FARS2: variants seen among roughly 807,000 people sequenced by gnomAD.
FARS2 encodes the protein phenylalanyl-tRNA synthetase 2, mitochondrial.
FARS2 carries 40 observed loss-of-function variants against 46.4 expected under a neutral mutation model. The observed-to-expected ratio is 0.86, with a 90% confidence interval of 0.67 to 1.12. The LOEUF (loss-of-function observed/expected upper bound fraction) is 1.12, where lower values mean the gene tolerates loss of function less well. Ranked by LOEUF, FARS2 falls within the 50% of genes most tolerant of loss-of-function variation. The pLI, the probability that FARS2 is intolerant of heterozygous loss-of-function variation, is 0.00. For missense variants in FARS2, 513 were observed against 567.9 expected, an observed-to-expected ratio of 0.90 and a Z score of 0.98; for synonymous variants, 234 against 214.9, an observed-to-expected ratio of 1.09 and a Z score of -0.78.
At chr6:5,620,951 G>A (rs562518379) in intron 6 of FARS2, among the ~76,000 whole-genome samples, 77 of 152,318 alleles carry the variant, frequency 5.1e-4, no homozygotes, top group African/African-American at 1.8e-3. Flanking sequence ...CCTGAACTAC[G>A]TAGCTGCTGA....
chr6:5,467,242 C>T (rs1765562877), intron 4 of FARS2: 1 of 294,708 alleles, frequency 3.4e-6, no homozygotes, highest in Admixed American at 6.5e-5. Flanking sequence ...CAGGTGGTTA[C>T]CCATTCTTAA....
At chr6:5,315,745 T>TCTTTTTTCTTTCTTTCTTC (rs1769454887) in intron 1 of FARS2, among the ~76,000 whole-genome samples, 1 of 150,208 alleles carries the variant, frequency 6.7e-6, no homozygotes, top group Non-Finnish European at 1.5e-5. Context: ...TTTTTTCCTT[T>TCTTTTTTCTTTCTTTCTTC]CTTTCTTTCT....
intron 4 of FARS2, among the ~76,000 whole-genome samples, chr6:5,460,986 T>G (rs1010024945): frequency 1.3e-5 from 2 of 150,804 alleles, no homozygotes; most frequent in African/African-American, 4.9e-5. Flanking sequence ...GTGTGTGTGT[T>G]TGTGTATGTG....
intron 6 of FARS2, among the ~76,000 whole-genome samples, chr6:5,763,768 GTTTT>G (rs77014974): frequency 1.5e-5 from 1 of 65,366 alleles, no homozygotes; most frequent in Non-Finnish European, 4.2e-5. Context: ...TTCCCTTTTG[GTTTT>G]TTTTTTTTTT....
intron 2 of FARS2, among the ~76,000 whole-genome samples, chr6:5,386,454 G>C (rs190452037): frequency 3.9e-5 from 6 of 152,324 alleles, no homozygotes; most frequent in African/African-American, 1.4e-4. Flanking sequence ...CAATCGTTCA[G>C]GTTGGCATTT....
chr6:5,614,411 C>CT (rs199992978), intron 6 of FARS2, among the ~76,000 whole-genome samples: 2,056 of 139,446 alleles, frequency 0.015, 21 homozygotes, highest in South Asian at 0.043. Context: ...CCTTCTTTGT[C>CT]TTTTTTTTTT....
intron 1 of FARS2, among the ~76,000 whole-genome samples, chr6:5,325,716 G>A (rs149959120): frequency 6.6e-6 from 1 of 152,080 alleles, no homozygotes; most frequent in East Asian, 1.9e-4. Flanking sequence ...AATTTTAAAT[G>A]ATTTTTTTCT....
chr6:5,632,897 A>G (rs1776364276), intron 6 of FARS2, among the ~76,000 whole-genome samples: 1 of 150,658 alleles, frequency 6.6e-6, no homozygotes, highest in Non-Finnish European at 1.5e-5. Context: ...ATCACTCTAA[A>G]CTTTTCATTG....
chr6:5,401,261 A>C (rs1761238763), intron 2 of FARS2, among the ~76,000 whole-genome samples: 2 of 151,998 alleles, frequency 1.3e-5, no homozygotes, highest in African/African-American at 4.8e-5. Context: ...ATGTTTTATT[A>C]TGCTTTTGAA....
intron 5 of FARS2, among the ~76,000 whole-genome samples, chr6:5,580,352 G>A (rs1337757898): frequency 6.6e-6 from 1 of 151,250 alleles, no homozygotes; most frequent in African/African-American, 2.4e-5. Context: ...AAGCAAGAAA[G>A]GGTAGAGTTT....
intron 4 of FARS2, among the ~76,000 whole-genome samples, chr6:5,543,455 C>T (rs1172894060): frequency 6.6e-6 from 1 of 151,410 alleles, no homozygotes; most frequent in Non-Finnish European, 1.5e-5. Context: ...ACCTCCACCT[C>T]CCAGGTTCAA....
At chr6:5,413,192 A>G (rs1762035683) in intron 3 of FARS2, among the ~76,000 whole-genome samples, 1 of 152,224 alleles carries the variant, frequency 6.6e-6, no homozygotes. Context: ...GTTGAGCTGA[A>G]CTATAATACT....
At chr6:5,578,264 C>T (rs1773103833) in intron 5 of FARS2, among the ~76,000 whole-genome samples, 1 of 152,094 alleles carries the variant, frequency 6.6e-6, no homozygotes. Flanking sequence ...GCCAGGGTCC[C>T]CAGCCACTGC....
At chr6:5,256,350 C>T (rs143657747), upstream of FARS2, among the ~76,000 whole-genome samples, 6 of 151,694 alleles carry the variant, frequency 4.0e-5, no homozygotes, top group South Asian at 2.1e-4. Flanking sequence ...ATTAGCCAGG[C>T]GTAGTGGCAG....
intron 6 of FARS2, among the ~76,000 whole-genome samples, chr6:5,732,653 A>G (rs565671095): frequency 1.1e-3 from 171 of 152,322 alleles, no homozygotes; most frequent in Admixed American, 3.4e-3. Context: ...GGAGCCCGGG[A>G]GCAAGAGCCC....
chr6:5,699,451 C>G (rs1758287966), intron 6 of FARS2, among the ~76,000 whole-genome samples: 1 of 152,062 alleles, frequency 6.6e-6, no homozygotes, highest in Non-Finnish European at 1.5e-5. Context: ...AATGCAGCCT[C>G]TCAGGCCCCA....
At chr6:5,752,996 C>G (rs900695158) in intron 6 of FARS2, among the ~76,000 whole-genome samples, 6 of 152,168 alleles carry the variant, frequency 3.9e-5, no homozygotes, top group African/African-American at 1.2e-4. Flanking sequence ...CCTCCCAGCT[C>G]TCAGTTTCCT....
intron 4 of FARS2, among the ~76,000 whole-genome samples, chr6:5,540,370 C>A (rs1174066954): frequency 6.6e-6 from 1 of 152,222 alleles, no homozygotes; most frequent in East Asian, 1.9e-4. Flanking sequence ...ATCTGTGAAA[C>A]TGGTATTCAG....
At chr6:5,419,208 G>A (rs1762407653) in intron 3 of FARS2, among the ~76,000 whole-genome samples, 2 of 152,040 alleles carry the variant, frequency 1.3e-5, no homozygotes, top group South Asian at 2.1e-4. Flanking sequence ...TCCTAAAGAT[G>A]CATTTTTAGA....
Sources: gnomAD v4.1 joint callset for allele counts (sites outside exome capture counted in the v4.1 genomes callset) on GRCh38, gnomAD v4.1.1 for gene constraint, MANE v1.5 for transcripts, NCBI Gene and HGNC (gene_info 2026-07-23, HGNC 2026-07-21) for gene names.